The following CNTN4 variants were observed in gnomAD, a reference collection of about 807,000 sequenced individuals.
The protein encoded by CNTN4 is contactin-4.
A neutral mutation model predicts 122.5 loss-of-function variants in CNTN4; 77 were observed. The observed-to-expected ratio is 0.63, with a 90% CI of 0.52 to 0.76. The LOEUF (loss-of-function observed/expected upper bound fraction) is 0.76, where lower values mean the gene tolerates loss of function less well. Among genes scored for constraint, CNTN4 ranks in the 30% least tolerant of loss-of-function variants. The probability of loss-of-function intolerance (pLI) is 0.00; values close to 1 mark genes in which losing one functional copy is unlikely to be tolerated. For synonymous variants in CNTN4, 512 were observed against 447.0 expected (o/e 1.15, Z -1.83); for missense variants, 1,256 against 1,259.1 (o/e 1.00, Z 0.04).
chr3:2,922,963 C>G (rs1035543059), intron 12 of CNTN4, among the ~76,000 whole-genome samples: 2 of 152,142 alleles, frequency 1.3e-5, no homozygotes, highest in African/African-American at 4.8e-5. Flanking sequence ...CCAGTCTTAT[C>G]TCGATAAGAT....
intron 3 of CNTN4, among the ~76,000 whole-genome samples, chr3:2,395,370 A>G (rs1164926625): frequency 1.3e-5 from 2 of 152,172 alleles, no homozygotes; most frequent in African/African-American, 4.8e-5. Context: ...CAAGGAAAGA[A>G]TATAAGGAAA....
chr3:2,546,215 C>T (rs1041685745), intron 3 of CNTN4, among the ~76,000 whole-genome samples: 5 of 151,882 alleles, frequency 3.3e-5, no homozygotes, highest in Non-Finnish European at 7.4e-5. Flanking sequence ...TACACATTCA[C>T]TGCAGCACTA....
At chr3:2,493,435 A>C (rs774273969) in intron 3 of CNTN4, among the ~76,000 whole-genome samples, 1 of 151,214 alleles carries the variant, frequency 6.6e-6, no homozygotes, top group Non-Finnish European at 1.5e-5. Context: ...TCTTGGAAGC[A>C]TTCGCATTTC....
chr3:2,235,063 C>T (rs891740163), intron 2 of CNTN4, among the ~76,000 whole-genome samples: 12 of 152,120 alleles, frequency 7.9e-5, no homozygotes, highest in African/African-American at 1.7e-4. Flanking sequence ...TCTGCTGTCT[C>T]AGAGCTTACT....
intron 3 of CNTN4, among the ~76,000 whole-genome samples, chr3:2,545,084 T>A (rs2078188238): frequency 6.6e-6 from 1 of 152,144 alleles, no homozygotes; most frequent in Admixed American, 6.6e-5. Context: ...TTGTTCTTAT[T>A]AGTTTCAAAG....
intron 6 of CNTN4, among the ~76,000 whole-genome samples, chr3:2,790,278 G>T (rs1162789151): frequency 6.6e-6 from 1 of 152,180 alleles, no homozygotes; most frequent in Non-Finnish European, 1.5e-5. Context: ...CATGTAAAGG[G>T]ATTAGTTGTG....
chr3:2,639,118 T>TC (rs2082791237), intron 4 of CNTN4, among the ~76,000 whole-genome samples: 3 of 152,156 alleles, frequency 2.0e-5, no homozygotes, highest in Admixed American at 6.6e-5. Flanking sequence ...AACACAACAT[T>TC]CTTTTTTTTC....
At chr3:2,907,979 A>G (rs1228744529) in intron 12 of CNTN4, among the ~76,000 whole-genome samples, 2 of 152,116 alleles carry the variant, frequency 1.3e-5, no homozygotes, top group South Asian at 2.1e-4. Flanking sequence ...AACTATGACA[A>G]TTGGCAGTTT....
chr3:2,508,775 G>A (rs73114223), intron 3 of CNTN4, among the ~76,000 whole-genome samples: 29 of 152,160 alleles, frequency 1.9e-4, no homozygotes, highest in African/African-American at 7.0e-4. Flanking sequence ...TTTTGTTTGT[G>A]GTAACTAGTC....
At chr3:2,859,748 G>T (rs911254718) in intron 7 of CNTN4, among the ~76,000 whole-genome samples, 1 of 152,022 alleles carries the variant, frequency 6.6e-6, no homozygotes, top group Admixed American at 6.6e-5. Flanking sequence ...CATATAAGTT[G>T]TATGTCCTAT....
chr3:2,758,934 A>C (rs1488481878), intron 6 of CNTN4, among the ~76,000 whole-genome samples: 2 of 152,040 alleles, frequency 1.3e-5, no homozygotes, highest in Non-Finnish European at 2.9e-5. Flanking sequence ...ACCACTGTCT[A>C]ATTTCAGAAC....
intron 2 of CNTN4, among the ~76,000 whole-genome samples, chr3:2,207,939 G>T (rs2038437815): frequency 6.6e-6 from 1 of 152,122 alleles, no homozygotes; most frequent in Non-Finnish European, 1.5e-5. Context: ...AAAATCCTAG[G>T]AATTATTTTC....
At chr3:2,925,486 GAGGTTGCAGTGAGCCA>G (rs2094465288) in intron 12 of CNTN4, 127 bp from the exon 13 acceptor site, 3 of 779,840 alleles carry the variant, frequency 3.8e-6, no homozygotes, top group Non-Finnish European at 6.1e-6. Context: ...CCGGGAGGCG[GAGGTTGCAGTGAGCCA>G]AGATTGCACC....
chr3:2,654,633 G>A (rs1305853837), intron 4 of CNTN4, among the ~76,000 whole-genome samples: 5 of 152,158 alleles, frequency 3.3e-5, no homozygotes, highest in East Asian at 3.9e-4. Context: ...CTCACAGTAT[G>A]TATTTGAAGA....
At chr3:2,426,861 A>T (rs889011896) in intron 3 of CNTN4, among the ~76,000 whole-genome samples, 6 of 152,006 alleles carry the variant, frequency 3.9e-5, no homozygotes, top group Non-Finnish European at 8.8e-5. Flanking sequence ...TTTGAATAGA[A>T]GTGTTTGTAG....
At chr3:2,928,939 A>T (rs1338538052) in intron 13 of CNTN4, among the ~76,000 whole-genome samples, 4 of 152,202 alleles carry the variant, frequency 2.6e-5, no homozygotes, top group Non-Finnish European at 5.9e-5. Context: ...CATGTTCGTT[A>T]TCTTAAAAAT....
intron 3 of CNTN4, among the ~76,000 whole-genome samples, chr3:2,470,268 G>A (rs2075639393): frequency 6.6e-6 from 1 of 151,950 alleles, no homozygotes; most frequent in Admixed American, 6.6e-5. Flanking sequence ...AGTAGAGACG[G>A]GGTTTCACCG....
intron 2 of CNTN4, among the ~76,000 whole-genome samples, chr3:2,109,599 G>C (rs2032785523): frequency 6.6e-6 from 1 of 152,116 alleles, no homozygotes; most frequent in Non-Finnish European, 1.5e-5. Flanking sequence ...GCTGAGATGG[G>C]TCCAGTCTGG....
At chr3:2,777,049 T>C (rs1338025984) in intron 6 of CNTN4, among the ~76,000 whole-genome samples, 1 of 152,082 alleles carries the variant, frequency 6.6e-6, no homozygotes, top group African/African-American at 2.4e-5. Flanking sequence ...GGCTCAATCT[T>C]GGTTCACTGC....
Sources: gnomAD v4.1 joint callset for allele counts (sites outside exome capture counted in the v4.1 genomes callset) on GRCh38, gnomAD v4.1.1 for gene constraint, MANE v1.5 for transcripts, NCBI Gene and HGNC (gene_info 2026-07-23, HGNC 2026-07-21) for gene names.